The following SLC16A3 variants were observed in gnomAD, a reference collection of about 807,000 sequenced individuals.
The protein encoded by SLC16A3 is monocarboxylate transporter 4.
Under a neutral mutation model 25.0 loss-of-function variants are expected in SLC16A3, and 22 were observed. The ratio of observed to expected loss-of-function variants is 0.88; its 90% CI spans 0.63 to 1.26. SLC16A3 has a LOEUF of 1.26. Ranked by LOEUF, SLC16A3 falls within the 50% of genes most tolerant of loss-of-function variation. The pLI is 0.00. For missense variants in SLC16A3, 731 were observed against 666.6 expected (o/e 1.10, Z -1.06); for synonymous variants, 390 against 309.2 (o/e 1.26, Z -2.74).
At chr17:82,228,742 G>A (rs1044357846), upstream of SLC16A3, among the ~76,000 whole-genome samples, 3 of 152,072 alleles carry the variant, frequency 2.0e-5, no homozygotes, top group Non-Finnish European at 2.9e-5. Context: ...GGGGCGGAGG[G>A]GCGAAGCGAG....
chr17:82,230,526 G>A (rs2050476571), intron 1 of SLC16A3: 2 of 152,702 alleles, frequency 1.3e-5, no homozygotes, highest in South Asian at 4.1e-4. Flanking sequence ...GCTACCAGAG[G>A]GCTCTATGGA....
At chr17:82,222,051 C>T (rs1249467053) in intron 1 of SLC16A3, among the ~76,000 whole-genome samples, 1 of 152,044 alleles carries the variant, frequency 6.6e-6, no homozygotes, top group Non-Finnish European at 1.5e-5. Context: ...TCCGCTCCCA[C>T]GTTCGTGGAC....
upstream of SLC16A3, among the ~76,000 whole-genome samples, chr17:82,228,207 C>T (rs1024301595): frequency 2.0e-5 from 3 of 152,250 alleles, no homozygotes; most frequent in African/African-American, 7.2e-5. Flanking sequence ...CCCAAAGCGG[C>T]CCGTTATTTC....
chr17:82,227,586 C>G (rs990346755), upstream of SLC16A3, among the ~76,000 whole-genome samples: 12 of 139,326 alleles, frequency 8.6e-5, no homozygotes, highest in African/African-American at 3.1e-4. Flanking sequence ...ACCACCTGCC[C>G]TGGGCGGGAG....
At chr17:82,229,309 C>T (rs1278737988) in intron 1 of SLC16A3, 1 of 152,252 alleles carries the variant, frequency 6.6e-6, no homozygotes, top group Non-Finnish European at 1.5e-5. Context: ...CCGCGCCCCT[C>T]CGCGCCCTCG....
Position 82,239,026 on chromosome 17 carries a change from AC to A in SLC16A3, c.*51del. 3.4e-6 allele frequency: 5 copies of A among 1,475,522 alleles called. No individual in the cohort carries two copies. The highest frequency in any genetic ancestry group is 4.5e-6 in the Non-Finnish European group (5 of 1,108,702). The allele number at this position is 1,475,522 out of a possible 1,614,324, so 91.4% of individuals were successfully genotyped here. ...CAGGGAGGAGGTACAGAAGCCGGCA[AC>A]GCTTGCTATTTATTTTACAAACTGG... On this transcript the variant is annotated 3_prime_UTR_variant, in exon 5 of 5. Coordinates refer to ENST00000582743, the MANE Select transcript of SLC16A3 (RefSeq NM_004207.4).
intron 1 of SLC16A3, chr17:82,230,900 A>T (rs1411306185): frequency 6.6e-6 from 1 of 152,186 alleles, no homozygotes; most frequent in Non-Finnish European, 1.5e-5. Context: ...CTGCTCCGAG[A>T]CCCGCAGTTC....
upstream of SLC16A3, chr17:82,228,276 G>T (rs1461071390): frequency 6.6e-6 from 1 of 152,336 alleles, no homozygotes; most frequent in Non-Finnish European, 1.5e-5. Context: ...CCAGCGGGTG[G>T]GCAGCCCTCG....
intron 3 of SLC16A3, 73 bp from the exon 4 acceptor site, chr17:82,237,065 C>A: frequency 6.8e-7 from 1 of 1,461,842 alleles, no homozygotes; most frequent in Admixed American, 2.7e-5. Flanking sequence ...CTGTGGGAAC[C>A]TGGGGGCAGA....
chr17:82,227,593 G>T (rs948419114), upstream of SLC16A3, among the ~76,000 whole-genome samples: 11 of 141,276 alleles, frequency 7.8e-5, no homozygotes, highest in Admixed American at 2.1e-4. Context: ...GCCCTGGGCG[G>T]GAGCACCACC....
intron 4 of SLC16A3, 63 bp from the exon 5 acceptor site, chr17:82,238,639 T>G (rs1599563090): frequency 6.7e-7 from 1 of 1,495,954 alleles, no homozygotes; most frequent in East Asian, 2.4e-5. Context: ...CAGGCTTGGG[T>G]GGAGCCGTGG....
intron 1 of SLC16A3, among the ~76,000 whole-genome samples, chr17:82,232,915 C>CGGCGG (rs2050521644): frequency 1.5e-3 from 1 of 682 alleles, no homozygotes; most frequent in South Asian, 0.038. Context: ...TCCTGGGGGG[C>CGGCGG]GGCGGGGGGG....
Position 82,238,791 on chromosome 17 carries a change from G to A in SLC16A3, c.1213G>A (p.Gly405Ser). 7 of 1,612,836 alleles carry A rather than the reference G, an allele frequency of 4.3e-6. No homozygotes were observed. The highest frequency in any genetic ancestry group is 5.9e-6 in the Non-Finnish European group (7 of 1,179,970). ...CACCTCCTCCCTGATTTTGCTGCTG[G>A]GCAACTTCTTCTGCATTAGGAAGAA... ...VLTSSLILLLGNFFCIRKKPK... is the reference protein window; with the variant it reads ...VLTSSLILLLSNFFCIRKKPK... Residue 405 changes from glycine (G) to serine (S), a missense_variant, in exon 5 of 5, where the codon GGC becomes AGC. Physicochemically the swap from Gly to Ser is moderately conservative, Grantham distance 56. Coordinates refer to ENST00000582743, the MANE Select transcript of SLC16A3 (RefSeq NM_004207.4).
intron 1 of SLC16A3, among the ~76,000 whole-genome samples, chr17:82,222,803 CAA>C (rs34093076): frequency 8.2e-4 from 86 of 104,602 alleles, no homozygotes; most frequent in East Asian, 4.5e-3. Flanking sequence ...GACTCCGTCT[CAA>C]AAAAAAAAAA....
Position 82,240,005 on chromosome 17 carries a change from G to A in SLC16A3, c.*1029G>A, listed in dbSNP as rs1366218824. On this transcript the variant is annotated 3_prime_UTR_variant, in exon 5 of 5. Transcript: ENST00000582743. Reference sequence around the variant, plus strand: ...TAGGTGCGTCGTGGGCGCTGGGGACGGCAGCGGGTGCCCTGGCGGGCCGCG... The same window carrying A: ...TAGGTGCGTCGTGGGCGCTGGGGACAGCAGCGGGTGCCCTGGCGGGCCGCG... 15 of 1,233,648 alleles carry A rather than the reference G, an allele frequency of 1.2e-5. No individual in the cohort carries two copies. In the Admixed American group the frequency reaches 1.3e-4, roughly 10 times the overall value. The allele number at this position is 1,233,648 out of a possible 1,614,324, so 76.4% of individuals were successfully genotyped here. A position where few individuals can be genotyped will look rare whatever the true frequency, so the allele number is the denominator to read the frequency against.
upstream of SLC16A3, among the ~76,000 whole-genome samples, chr17:82,228,859 G>A (rs987385310): frequency 1.3e-5 from 2 of 151,018 alleles, no homozygotes; most frequent in South Asian, 2.1e-4. Flanking sequence ...CGGTTGGGGG[G>A]GTCCCTGGGC....
chr17:82,220,203 C>T (rs1568528602), intron 1 of SLC16A3, among the ~76,000 whole-genome samples: 1 of 152,198 alleles, frequency 6.6e-6, no homozygotes, highest in Non-Finnish European at 1.5e-5. Context: ...CACCCCAAAA[C>T]CTTCTTGCCA....
chr17:82,224,111 CAG>C (rs1427474019), upstream of SLC16A3, among the ~76,000 whole-genome samples: 1 of 135,080 alleles, frequency 7.4e-6, no homozygotes, highest in Non-Finnish European at 1.6e-5. Context: ...TACACCCGTG[CAG>C]ACACACCCCT....
At chr17:82,226,139 C>T (rs956215096), upstream of SLC16A3, among the ~76,000 whole-genome samples, 10 of 151,962 alleles carry the variant, frequency 6.6e-5, no homozygotes, top group Admixed American at 6.5e-5. Flanking sequence ...CCTGGAGGGC[C>T]CTGTAGCTGG....
Sources: allele counts gnomAD v4.1 joint callset (sites outside exome capture counted in the v4.1 genomes callset), GRCh38; gene constraint gnomAD v4.1.1; transcripts MANE v1.5; gene names NCBI Gene and HGNC (gene_info 2026-07-23, HGNC 2026-07-21).